The following LRMDA variants were observed in gnomAD, a reference collection of about 807,000 sequenced individuals.
LRMDA encodes the protein leucine rich melanocyte differentiation associated.
LRMDA carries 18 observed loss-of-function variants against 29.8 expected under a neutral mutation model. The ratio of observed to expected loss-of-function variants is 0.60; its 90% CI spans 0.42 to 0.90. LRMDA has a LOEUF of 0.90. Among genes scored for constraint, LRMDA ranks in the 40% least tolerant of loss-of-function variants. LRMDA has a pLI of 0.00. For missense variants in LRMDA, 273 were observed against 273.9 expected (o/e 1.00, Z 0.02); for synonymous variants, 125 against 109.4 (o/e 1.14, Z -0.89).
At chr10:76,469,928 T>C (rs1410742717) in intron 6 of LRMDA, among the ~76,000 whole-genome samples, 1 of 152,064 alleles carries the variant, frequency 6.6e-6, no homozygotes, top group African/African-American at 2.4e-5. Flanking sequence ...GAAGAAACTC[T>C]AGAATGATTA....
At chr10:76,365,211 C>G (rs1429859868) in intron 6 of LRMDA, among the ~76,000 whole-genome samples, 2 of 151,266 alleles carry the variant, frequency 1.3e-5, no homozygotes, top group African/African-American at 4.9e-5. Context: ...CTCCTGTAAA[C>G]ATGCATGTGC....
chr10:75,728,424 CTCTG>C (rs1564551100), intron 2 of LRMDA, among the ~76,000 whole-genome samples: 2 of 131,866 alleles, frequency 1.5e-5, no homozygotes, highest in African/African-American at 3.1e-5. Flanking sequence ...TGATACGTGG[CTCTG>C]TGTGTGTGTG....
chr10:75,476,677 C>T (rs1229714971), intron 2 of LRMDA, among the ~76,000 whole-genome samples: 1 of 152,160 alleles, frequency 6.6e-6, no homozygotes, highest in Non-Finnish European at 1.5e-5. Context: ...ACCTGAGCTC[C>T]AGCCACATGA....
chr10:75,749,519 A>G (rs978179364), intron 2 of LRMDA, among the ~76,000 whole-genome samples: 5 of 151,850 alleles, frequency 3.3e-5, no homozygotes, highest in African/African-American at 9.7e-5. Flanking sequence ...ATGCATGTGT[A>G]TATGTATTTA....
chr10:76,064,515 A>G (rs1160060428), intron 5 of LRMDA, among the ~76,000 whole-genome samples: 1 of 152,194 alleles, frequency 6.6e-6, no homozygotes, highest in African/African-American at 2.4e-5. Flanking sequence ...GTCTATACCT[A>G]AAGGAGCACT....
intron 2 of LRMDA, among the ~76,000 whole-genome samples, chr10:75,514,771 G>T (rs532434986): frequency 6.6e-6 from 1 of 152,310 alleles, no homozygotes; most frequent in Non-Finnish European, 1.5e-5. Flanking sequence ...AGATGCTGCT[G>T]CCATGCTTCT....
At chr10:75,708,836 G>A (rs1842402026) in intron 2 of LRMDA, among the ~76,000 whole-genome samples, 1 of 152,158 alleles carries the variant, frequency 6.6e-6, no homozygotes, top group Non-Finnish European at 1.5e-5. Context: ...GCAGCTCTCA[G>A]CATTCTTTAT....
intron 2 of LRMDA, among the ~76,000 whole-genome samples, chr10:75,974,851 T>C (rs1192481949): frequency 6.6e-6 from 1 of 152,170 alleles, no homozygotes; most frequent in Non-Finnish European, 1.5e-5. Flanking sequence ...AGATAATAAT[T>C]GCAGTATTAT....
At chr10:76,292,630 T>G (rs1370344998) in intron 5 of LRMDA, among the ~76,000 whole-genome samples, 2 of 152,162 alleles carry the variant, frequency 1.3e-5, no homozygotes, top group Non-Finnish European at 2.9e-5. Context: ...ACTTCCATTT[T>G]TATCAACTAA....
chr10:76,058,941 G>A lies in LRMDA; in HGVS notation c.516+158G>A, dbSNP rs7893490. Reference sequence around the variant, plus strand: ...TACATTGTTGGCCAAACATGAAATAGGGTTAGGTGTAAATTGGATCTTCCT... The same window carrying A: ...TACATTGTTGGCCAAACATGAAATAAGGTTAGGTGTAAATTGGATCTTCCT... On this transcript the variant is annotated intron_variant, in intron 5 of 6. Coordinates refer to ENST00000611255, the MANE Select transcript of LRMDA (RefSeq NM_001305581.2). Among the ~76,000 whole-genome samples the A allele has an allele frequency of 0.39, 59,576 of 152,042 alleles. 12,524 individuals carry two copies. The highest frequency in any genetic ancestry group is 0.45 in the Non-Finnish European group (30,677 of 67,964).
chr10:75,938,803 T>C (rs1262586503), intron 2 of LRMDA, among the ~76,000 whole-genome samples: 1 of 152,196 alleles, frequency 6.6e-6, no homozygotes, highest in Non-Finnish European at 1.5e-5. Context: ...CATGTTAATA[T>C]TGTTTGTCTG....
intron 2 of LRMDA, among the ~76,000 whole-genome samples, chr10:75,711,986 T>A (rs1206815837): frequency 1.3e-5 from 2 of 151,820 alleles, no homozygotes; most frequent in African/African-American, 4.8e-5. Flanking sequence ...ACTTGAAAAA[T>A]TTCCATCCTT....
chr10:75,545,283 A>G (rs976353446), intron 2 of LRMDA, among the ~76,000 whole-genome samples: 2 of 152,158 alleles, frequency 1.3e-5, no homozygotes, highest in Non-Finnish European at 2.9e-5. Context: ...GTCAGAAACT[A>G]CAATCTGTTA....
At chr10:75,760,977 T>C (rs1202270465) in intron 2 of LRMDA, among the ~76,000 whole-genome samples, 1 of 152,202 alleles carries the variant, frequency 6.6e-6, no homozygotes, top group Admixed American at 6.5e-5. Context: ...TCCATTTTTG[T>C]ATTATAAAAA....
intron 4 of LRMDA, among the ~76,000 whole-genome samples, chr10:76,055,833 C>T (rs570396014): frequency 6.6e-6 from 1 of 152,242 alleles, no homozygotes; most frequent in African/African-American, 2.4e-5. Flanking sequence ...ATGCCAGGAA[C>T]CACAGAGCCC....
At chr10:75,973,381 T>C (rs1847012978) in intron 2 of LRMDA, among the ~76,000 whole-genome samples, 1 of 152,002 alleles carries the variant, frequency 6.6e-6, no homozygotes, top group South Asian at 2.1e-4. Context: ...ACAGAAATCA[T>C]AATGACCTGC....
intron 2 of LRMDA, among the ~76,000 whole-genome samples, chr10:75,691,478 T>C (rs769823613): frequency 1.9e-4 from 29 of 152,092 alleles, no homozygotes; most frequent in Non-Finnish European, 3.5e-4. Flanking sequence ...TTGTGTTTAT[T>C]GTACACATAG....
intron 5 of LRMDA, among the ~76,000 whole-genome samples, chr10:76,221,294 A>G (rs1414005561): frequency 6.6e-6 from 1 of 152,248 alleles, no homozygotes. Flanking sequence ...GGAGAAGGAA[A>G]TAAAGGGTAT....
At chr10:75,756,234 G>A (rs1048927583) in intron 2 of LRMDA, among the ~76,000 whole-genome samples, 3 of 152,234 alleles carry the variant, frequency 2.0e-5, no homozygotes, top group Non-Finnish European at 4.4e-5. Context: ...TAGGAGCTAG[G>A]TGTAGCCACG....
Sources: gnomAD v4.1 joint callset for allele counts (sites outside exome capture counted in the v4.1 genomes callset) on GRCh38, gnomAD v4.1.1 for gene constraint, MANE v1.5 for transcripts, NCBI Gene and HGNC (gene_info 2026-07-23, HGNC 2026-07-21) for gene names.